The following ARHGAP22 variants were observed in gnomAD, a reference collection of about 807,000 sequenced individuals.
ARHGAP22 encodes rho GTPase-activating protein 22.
Under a neutral mutation model 59.1 loss-of-function variants are expected in ARHGAP22, and 48 were observed. The observed-to-expected ratio is 0.81, with a 90% CI of 0.64 to 1.03. The LOEUF is 1.03. Among genes scored for constraint, ARHGAP22 ranks in the 50% least tolerant of loss-of-function variants. ARHGAP22 has a pLI of 0.00. For missense variants in ARHGAP22, 1,015 were observed against 958.7 expected, an observed-to-expected ratio of 1.06 and a Z score of -0.78; for synonymous variants, 445 against 416.4, an observed-to-expected ratio of 1.07 and a Z score of -0.84.
chr10:48,611,149 G>C (rs563107485), intron 1 of ARHGAP22, among the ~76,000 whole-genome samples: 1 of 152,312 alleles, frequency 6.6e-6, no homozygotes, highest in South Asian at 2.1e-4. Flanking sequence ...TCTCACAAGG[G>C]GAAGCTTGTA....
intron 3 of ARHGAP22, among the ~76,000 whole-genome samples, chr10:48,528,897 A>T (rs1200028281): frequency 6.6e-6 from 1 of 152,114 alleles, no homozygotes; most frequent in Non-Finnish European, 1.5e-5. Context: ...AAACTTCCTG[A>T]GGCCTCCCCA....
rs545836434 is a variant in ARHGAP22 at position 48,623,798 on chromosome 10, T to C, written c.52+28436A>G. Among the ~76,000 whole-genome samples, 37 of 152,332 alleles carry C rather than the reference T, an allele frequency of 2.4e-4. 1 individual carries two copies. The South Asian group carries it at 7.0e-3, about 29-fold the overall frequency. On this transcript the variant is annotated intron_variant, in intron 1 of 9. Transcript: ENST00000435790. ...ATGTTTTGGGGAGCACATCCTGAAA[T>C]AGCAATTGGCACAGGGGGTCACTGT...
intron 1 of ARHGAP22, among the ~76,000 whole-genome samples, chr10:48,648,638 G>C (rs1277586145): frequency 6.6e-6 from 1 of 152,294 alleles, no homozygotes; most frequent in African/African-American, 2.4e-5. Flanking sequence ...TAAAAGCTTT[G>C]GGTAAAAGTC....
At chr10:48,593,734 T>C (rs905871847) in intron 1 of ARHGAP22, among the ~76,000 whole-genome samples, 1 of 152,248 alleles carries the variant, frequency 6.6e-6, no homozygotes, top group Non-Finnish European at 1.5e-5. Context: ...ATTTCTGGAC[T>C]GTGGGTGTCC....
Position 48,459,847 on chromosome 10 carries a change from T to A in ARHGAP22, c.496A>T (p.Lys166Ter). 1 of 1,613,296 alleles carries A rather than the reference T, an allele frequency of 6.2e-7. No individual in the cohort carries two copies. Among genetic ancestry groups the A allele is most frequent in the Non-Finnish European group, 8.5e-7 (1 of 1,180,034 alleles). The change falls in exon 5 of 10, where the codon AAG becomes TAG. Residue 166 changes from lysine to a stop codon, truncating the protein, a stop_gained. Transcript: ENST00000249601. LOFTEE classifies it high-confidence loss of function. Reference sequence around the variant, plus strand: ...AGGGGCGCCAGGCGGGGGCCATACTTCCGCTCGTGGTGGACTGTTTCCTCT... The same window carrying A: ...AGGGGCGCCAGGCGGGGGCCATACTACCGCTCGTGGTGGACTGTTTCCTCT... ...RLEETVHHER[K>*]YGPRLAPLLV...
intron 3 of ARHGAP22, among the ~76,000 whole-genome samples, chr10:48,498,647 T>C (rs2051190822): frequency 6.6e-6 from 1 of 152,136 alleles, no homozygotes; most frequent in Non-Finnish European, 1.5e-5. Context: ...AGTACAATTC[T>C]AGCTGGCGTA....
At chr10:48,471,616 C>G (rs2048233166) in intron 4 of ARHGAP22, among the ~76,000 whole-genome samples, 1 of 152,194 alleles carries the variant, frequency 6.6e-6, no homozygotes, top group Non-Finnish European at 1.5e-5. Context: ...TTCATAACAA[C>G]TCCAGCCTCC....
chr10:48,537,284 T>C (rs1415602429), intron 3 of ARHGAP22, among the ~76,000 whole-genome samples: 2 of 152,198 alleles, frequency 1.3e-5, no homozygotes, highest in Non-Finnish European at 1.5e-5. Flanking sequence ...CACCAGGATT[T>C]GTGGAGCCCT....
chr10:48,512,225 T>C (rs1421173853), intron 3 of ARHGAP22, among the ~76,000 whole-genome samples: 2 of 152,256 alleles, frequency 1.3e-5, no homozygotes, highest in Non-Finnish European at 2.9e-5. Context: ...GTGTTCTCCA[T>C]TGCTATTTCT....
chr10:48,440,456 C>T, the ARHGAP22 span, among the ~76,000 whole-genome samples: 1 of 152,090 alleles, frequency 6.6e-6, no homozygotes, highest in East Asian at 1.9e-4. Context: ...AGGACCTGGC[C>T]ACAGGGATTG....
chr10:48,456,885 G>A (rs1332005252), intron 5 of ARHGAP22, among the ~76,000 whole-genome samples: 2 of 148,346 alleles, frequency 1.3e-5, no homozygotes, highest in East Asian at 4.1e-4. Flanking sequence ...CTTTTCTTGA[G>A]ACTTTTCCCT....
chr10:48,599,911 T>G (rs957441765), intron 1 of ARHGAP22, among the ~76,000 whole-genome samples: 6 of 152,166 alleles, frequency 3.9e-5, no homozygotes, highest in Non-Finnish European at 7.3e-5. Flanking sequence ...AGCTTTGTAT[T>G]GCTGGCATCC....
chr10:48,437,191 A>C, the ARHGAP22 span: 1 of 152,254 alleles, frequency 6.6e-6, no homozygotes, highest in Non-Finnish European at 1.5e-5. Flanking sequence ...AGTGTAAACT[A>C]AAATACTTAA....
At chr10:48,481,754 T>G (rs1321728464) in intron 3 of ARHGAP22, among the ~76,000 whole-genome samples, 1 of 152,252 alleles carries the variant, frequency 6.6e-6, no homozygotes, top group Non-Finnish European at 1.5e-5. Flanking sequence ...GTATGACAGT[T>G]CTGGGACCCC....
chr10:48,441,058 GTATGTCAGGTA>G (rs1163005795), downstream of ARHGAP22, among the ~76,000 whole-genome samples: 2 of 152,204 alleles, frequency 1.3e-5, no homozygotes, highest in Non-Finnish European at 2.9e-5. Flanking sequence ...ATGACAGAAT[GTATGTCAGGTA>G]TGGTATCAAC....
At chr10:48,651,715 A>G (rs771567773) in intron 1 of ARHGAP22, among the ~76,000 whole-genome samples, 2 of 152,114 alleles carry the variant, frequency 1.3e-5, no homozygotes, top group Non-Finnish European at 2.9e-5. Flanking sequence ...TTGGTCTAAC[A>G]ATTATCTCCC....
At chr10:48,570,497 C>A (rs2058329927) in intron 2 of ARHGAP22, among the ~76,000 whole-genome samples, 1 of 152,206 alleles carries the variant, frequency 6.6e-6, no homozygotes, top group African/African-American at 2.4e-5. Flanking sequence ...TATCCTGGGG[C>A]AGAGAGGGTC....
At chr10:48,605,241 G>A, upstream of ARHGAP22, 5 of 850,830 alleles carry the variant, frequency 5.9e-6, no homozygotes, top group Non-Finnish European at 7.1e-6. Flanking sequence ...TGCTGAGGCT[G>A]GAAGAAATGC....
At chr10:48,491,669 G>A (rs537865503) in intron 3 of ARHGAP22, among the ~76,000 whole-genome samples, 43 of 152,258 alleles carry the variant, frequency 2.8e-4, no homozygotes, top group Non-Finnish European at 5.4e-4. Flanking sequence ...CAGAACAAAG[G>A]AGACTGGCAC....
Sources: gnomAD v4.1 joint callset for allele counts (sites outside exome capture counted in the v4.1 genomes callset) on GRCh38, gnomAD v4.1.1 for gene constraint, MANE v1.5 for transcripts, NCBI Gene and HGNC (gene_info 2026-07-23, HGNC 2026-07-21) for gene names.